Variants in GBX2 observed in about 807,000 individuals in gnomAD.
The protein encoded by GBX2 is homeobox protein GBX-2.
Under a neutral mutation model 22.4 loss-of-function variants are expected in GBX2, and 5 were observed. The ratio of observed to expected loss-of-function variants is 0.22; its 90% confidence interval spans 0.12 to 0.47. The LOEUF (loss-of-function observed/expected upper bound fraction) is 0.47. Ranked by LOEUF, GBX2 falls within the 20% of genes least tolerant of loss-of-function variation. The pLI is 0.99. For synonymous variants in GBX2, 220 were observed against 230.5 expected (o/e 0.95, Z 0.41); for missense variants, 470 against 495.4 (o/e 0.95, Z 0.49).
rs747458810 is a variant in GBX2 at position 236,166,216 on chromosome 2, G to A, written c.745C>T (p.Arg249Trp). ...TCGCTGGTGAAGGCAGTCCGCCGCC[G>A]CCGGTTCTTGCCCGTAGACGTGGTG... Reference protein sequence around the residue: ...GSTTSTGKNRRRRTAFTSEQL... With the variant: ...GSTTSTGKNRWRRTAFTSEQL... Residue 249 changes from arginine to tryptophan, a missense_variant, in exon 2 of 2, where the codon CGG becomes TGG. By Grantham distance (101) the Arg-to-Trp change is moderately radical. This residue lies in a region of GBX2 where 40 missense variants were observed against 55.1 expected (regional missense o/e 0.73). Coordinates refer to ENST00000306318, the MANE Select transcript of GBX2 (RefSeq NM_001485.4). The surrounding 1 kb of genome is among the most constrained non-coding windows in gnomAD (Gnocchi z 6.6). 6.2e-7 allele frequency: 1 copy of A among 1,613,648 alleles called. No individual in the cohort carries two copies. The highest frequency in any genetic ancestry group is 8.5e-7 in the Non-Finnish European group (1 of 1,179,916).
chr2:236,166,653 C>T lies in GBX2; in HGVS notation c.524-216G>A, dbSNP rs2060240925. On this transcript the variant is annotated intron_variant, in intron 1 of 1. Transcript: ENST00000306318. This position sits in a 1 kb window ranked among gnomAD's most constrained non-coding sequence, Gnocchi z 6.6. The stretch of plus-strand genomic sequence containing the variant: ...CTCAAAGGAGAGGAGGCAGTACAGG[C>T]GACGGCCCTTTGCCCAGAACCATCA... Among the ~76,000 whole-genome samples, 1 of 152,018 alleles carries T rather than the reference C, an allele frequency of 6.6e-6. No homozygotes were observed. The highest frequency in any genetic ancestry group is 1.5e-5 in the Non-Finnish European group (1 of 68,006).
chr2:236,168,063 A>C lies in GBX2; in HGVS notation c.-92T>G. The C allele has an allele frequency of 7.7e-7, 1 of 1,298,278 alleles. No individual in the cohort carries two copies. The highest frequency in any genetic ancestry group is 9.8e-7 in the Non-Finnish European group (1 of 1,018,320). The allele number at this position is 1,298,278 out of a possible 1,614,324, so 80.4% of individuals were successfully genotyped here. ...GCCGGACGCCGGGAGCACCGCCGGG[A>C]GCGCCGGGCAGGGGCCGAGCGGGAC... On this transcript the variant is annotated 5_prime_UTR_variant, in exon 1 of 2. Coordinates refer to ENST00000306318, the MANE Select transcript of GBX2 (RefSeq NM_001485.4).
chr2:236,167,907 A>C lies in GBX2; in HGVS notation c.65T>G (p.Phe22Cys). 6.4e-7 allele frequency: 1 copy of C among 1,562,326 alleles called. No individual in the cohort carries two copies. The highest frequency in any genetic ancestry group is 8.6e-7 in the Non-Finnish European group (1 of 1,157,102). The change falls in exon 1 of 2, where the codon TTC becomes TGC. Residue 22 changes from phenylalanine (F) to cysteine (C), a missense_variant. Transcript: ENST00000306318. ...GCTGCCGATCAGCGAGTCTATGCTG[A>C]AGGCGGTGCTACTCCCCAGCGGGCG... Reference protein sequence around the residue: ...MQRPLGSSTAFSIDSLIGSPP... With the variant: ...MQRPLGSSTACSIDSLIGSPP...
chr2:236,167,268 G>A, intron 1 of GBX2, 181 bp downstream of exon 1: 1 of 1,424,554 alleles, frequency 7.0e-7, no homozygotes, highest in South Asian at 1.2e-5. Context: ...CCCGCTTGTT[G>A]GGTGGCTCTG....
downstream of GBX2, among the ~76,000 whole-genome samples, chr2:236,164,296 T>C (rs1413431373): frequency 6.6e-6 from 1 of 152,130 alleles, no homozygotes; most frequent in African/African-American, 2.4e-5. Flanking sequence ...CTCGAAAGGC[T>C]GAGGCTGGCG....
In GBX2 at chr2:236,165,808, G is replaced by A. The variant is rs2060235225; in HGVS notation, c.*106C>T. ...TCTCAATTTGCTTGGGATGGCCACA[G>A]CTGGGCTGTGACTTTGTTGCTTCAA... On this transcript the variant is annotated 3_prime_UTR_variant, in exon 2 of 2. Transcript: ENST00000306318. 3 of 913,984 alleles carry A rather than the reference G, an allele frequency of 3.3e-6. No individual in the cohort carries two copies. Among genetic ancestry groups the A allele is most frequent in the Non-Finnish European group, 5.1e-6 (3 of 590,120 alleles). The allele number at this position is 913,984 out of a possible 1,614,324, so 56.6% of individuals were successfully genotyped here. A position where few individuals can be genotyped will look rare whatever the true frequency, so the allele number is the denominator to read the frequency against.
chr2:236,161,770 G>A (rs559409026), downstream of GBX2, among the ~76,000 whole-genome samples: 7 of 152,292 alleles, frequency 4.6e-5, no homozygotes, highest in South Asian at 2.1e-4. Flanking sequence ...GGGCATAAGC[G>A]AGCCACTCTG....
chr2:236,164,847 G>C (rs2060229321), downstream of GBX2, among the ~76,000 whole-genome samples: 1 of 152,190 alleles, frequency 6.6e-6, no homozygotes, highest in Non-Finnish European at 1.5e-5. Flanking sequence ...ATTTGTAAAG[G>C]AAAGACGTTT....
downstream of GBX2, among the ~76,000 whole-genome samples, chr2:236,161,515 C>T (rs2060213410): frequency 6.6e-6 from 1 of 152,192 alleles, no homozygotes; most frequent in African/African-American, 2.4e-5. Context: ...AAGATGAATG[C>T]CACCTCCCTT....
chr2:236,167,289 G>A (rs2060245439), intron 1 of GBX2, 160 bp downstream of exon 1: 1 of 1,397,158 alleles, frequency 7.2e-7, no homozygotes, highest in Admixed American at 2.0e-5. Context: ...AATGTCCCCC[G>A]GAGGCCCAGC....
Position 236,166,417 on chromosome 2 carries a change from C to T in GBX2, c.544G>A (p.Gly182Arg), listed in dbSNP as rs1045017434. 2.5e-6 allele frequency: 4 copies of T among 1,612,264 alleles called. No individual in the cohort carries two copies. The African/African-American group carries it at 5.3e-5, about 22-fold the overall frequency. Reference sequence around the variant, plus strand: ...TCTTCCACCTTTGACTCGTCTTTCCCTTGCCCTCGGACAGCCCCGACTGAA... The same window carrying T: ...TCTTCCACCTTTGACTCGTCTTTCCTTTGCCCTCGGACAGCCCCGACTGAA... The part of the protein sequence containing the change: ...ASLVGAVRGQ[G>R]KDESKVEDDP... Residue 182 changes from glycine (G) to arginine (R), a missense_variant, in exon 2 of 2, where the codon GGG (glycine) becomes AGG (arginine). Physicochemically the swap from Gly to Arg is moderately radical, Grantham distance 125 (BLOSUM62 -2). Around this residue, in one of 4 missense-constraint regions of GBX2, gnomAD observed 377 missense variants for 358.6 expected, o/e 1.05. Coordinates refer to ENST00000306318, the MANE Select transcript of GBX2 (RefSeq NM_001485.4). The surrounding 1 kb of genome is among the most constrained non-coding windows in gnomAD (Gnocchi z 6.6).
In GBX2 at chr2:236,168,126, C is replaced by G; in HGVS notation, c.-155G>C. On this transcript the variant is annotated 5_prime_UTR_variant, in exon 1 of 2. Transcript: ENST00000306318. Reference sequence around the variant, plus strand: ...CGCCTCCGCCCCTCAGTCCTGGGCCCGCTGCATGCCGGGCGGGTGCAGGGG... The same window carrying G: ...CGCCTCCGCCCCTCAGTCCTGGGCCGGCTGCATGCCGGGCGGGTGCAGGGG... 1 of 729,898 alleles carries G rather than the reference C, an allele frequency of 1.4e-6. No homozygotes were observed. The allele number at this position is 729,898 out of a possible 1,614,324, so 45.2% of individuals were successfully genotyped here.
chr2:236,167,356 C>T (rs908082211), intron 1 of GBX2, 93 bp downstream of exon 1: 40 of 1,396,790 alleles, frequency 2.9e-5, no homozygotes, highest in East Asian at 2.6e-4. Flanking sequence ...GGGGGCGCGG[C>T]CTCGCCCCCT....
chr2:236,168,264 T>G lies in GBX2; in HGVS notation c.-293A>C. ...TCGGAGCCCGCGCGCTTCGCGGGTT[T>G]GGCCCTCGGCCCCGGTAAGCTGCCG... On this transcript the variant is annotated 5_prime_UTR_variant, in exon 1 of 2. Transcript: ENST00000306318. 1 of 196,388 alleles carries G rather than the reference T, an allele frequency of 5.1e-6. No homozygotes were observed. The highest frequency in any genetic ancestry group is 1.0e-5 in the Non-Finnish European group (1 of 98,736). The allele number at this position is 196,388 out of a possible 1,614,324, so 12.2% of individuals were successfully genotyped here. A position where few individuals can be genotyped will look rare whatever the true frequency, so the allele number is the denominator to read the frequency against.
chr2:236,161,527 G>A (rs376033553), downstream of GBX2, among the ~76,000 whole-genome samples: 4 of 152,132 alleles, frequency 2.6e-5, no homozygotes, highest in Non-Finnish European at 2.9e-5. Context: ...ACCTCCCTTC[G>A]TCTGGGCTGT....
downstream of GBX2, among the ~76,000 whole-genome samples, chr2:236,163,418 T>C (rs1298531562): frequency 6.6e-6 from 1 of 152,236 alleles, no homozygotes; most frequent in African/African-American, 2.4e-5. Flanking sequence ...CGGGGCTTCC[T>C]GACGGCGGCC....
chr2:236,163,620 C>G (rs1332609104), downstream of GBX2, among the ~76,000 whole-genome samples: 1 of 152,194 alleles, frequency 6.6e-6, no homozygotes, highest in Non-Finnish European at 1.5e-5. Flanking sequence ...ACCCGCAGGG[C>G]CGGCGGGGCA....
chr2:236,166,998 A>C lies in GBX2; in HGVS notation c.523+451T>G. The C allele has an allele frequency of 1.3e-6, 1 of 764,254 alleles. No individual in the cohort carries two copies. Among genetic ancestry groups the C allele is most frequent in the East Asian group, 2.7e-5 (1 of 36,580 alleles). The allele number at this position is 764,254 out of a possible 1,614,324, so 47.3% of individuals were successfully genotyped here. ...CCAGACACCCCCAACACAAACACAC[A>C]GGCACAGCCTCCCAGCAGTCCGTTT... On this transcript the variant is annotated intron_variant, in intron 1 of 1. Transcript: ENST00000306318. The surrounding 1 kb of genome is among the most constrained non-coding windows in gnomAD (Gnocchi z 6.6).
Position 236,166,511 on chromosome 2 carries a change from G to C in GBX2, c.524-74C>G. On this transcript the variant is annotated intron_variant, in intron 1 of 1. Transcript: ENST00000306318. The surrounding 1 kb of genome is among the most constrained non-coding windows in gnomAD (Gnocchi z 6.6). ...TCCTTTCTCCTTCCCACCGTCATTTGGACATTCCGCGCCCCCCGCCCCCCA... is the reference window on the plus strand; with the variant it reads ...TCCTTTCTCCTTCCCACCGTCATTTCGACATTCCGCGCCCCCCGCCCCCCA... The C allele has an allele frequency of 4.3e-6, 6 of 1,386,548 alleles. No homozygotes were observed. Among genetic ancestry groups the C allele is most frequent in the Non-Finnish European group, 6.0e-6 (6 of 1,002,160 alleles). 85.9% of individuals were successfully genotyped at this position (1,386,548 alleles called of 1,614,324 possible). A position where few individuals can be genotyped will look rare whatever the true frequency, so the allele number is the denominator to read the frequency against.
Sources: gnomAD v4.1 joint callset for allele counts (sites outside exome capture counted in the v4.1 genomes callset) on GRCh38, gnomAD v4.1.1 for gene constraint, gnomAD v4.1.1 regional missense constraint, Gnocchi (gnomAD v3.1) non-coding constraint, MANE v1.5 for transcripts, NCBI Gene and HGNC (gene_info 2026-07-23, HGNC 2026-07-21) for gene names.